The following SLCO1B3 variants were observed in gnomAD, a reference collection of about 807,000 sequenced individuals.
The protein encoded by SLCO1B3 is solute carrier organic anion transporter family member 1B3.
Under a neutral mutation model 71.8 loss-of-function variants are expected in SLCO1B3, and 72 were observed. The ratio of observed to expected loss-of-function variants is 1.00; its 90% CI spans 0.83 to 1.22. The LOEUF (loss-of-function observed/expected upper bound fraction) is 1.22, where lower values mean the gene tolerates loss of function less well. Among genes scored for constraint, SLCO1B3 ranks in the 50% most tolerant of loss-of-function variants. The probability of loss-of-function intolerance (pLI) is 0.00; values close to 1 mark genes in which losing one functional copy is unlikely to be tolerated. For synonymous variants in SLCO1B3, 298 were observed against 278.4 expected (o/e 1.07, Z -0.70); for missense variants, 911 against 819.7 (o/e 1.11, Z -1.36).
intron 8 of SLCO1B3, among the ~76,000 whole-genome samples, chr12:20,868,743 G>T (rs924135175): frequency 2.0e-5 from 3 of 152,052 alleles, no homozygotes; most frequent in African/African-American, 7.2e-5. Flanking sequence ...CGAATGTCTG[G>T]CTGTGCTGTT....
At chr12:20,909,241 C>T (rs1297029407) in intron 15 of SLCO1B3, among the ~76,000 whole-genome samples, 1 of 149,470 alleles carries the variant, frequency 6.7e-6, no homozygotes, top group Admixed American at 6.7e-5. Flanking sequence ...TCTCGGCTCA[C>T]TGCAAGCTAC....
rs1208561874 is a variant in SLCO1B3 at position 20,896,512 on chromosome 12, T to C, written c.1683-1924T>C. Among the ~76,000 whole-genome samples, 14 of 152,322 alleles carry C rather than the reference T, an allele frequency of 9.2e-5. No homozygotes were observed. The East Asian group carries it at 2.5e-3, about 27-fold the overall frequency. ...AAAATATGACAAGCATCATCTTTGC[T>C]CCAGTTTCCAACAAGTTCCTTATCT... On this transcript the variant is annotated intron_variant, in intron 13 of 15. Coordinates refer to ENST00000381545, the MANE Select transcript of SLCO1B3 (RefSeq NM_019844.4).
intron 15 of SLCO1B3, 115 bp downstream of exon 15, chr12:20,901,582 C>T: frequency 1.7e-6 from 1 of 578,310 alleles, no homozygotes; most frequent in Non-Finnish European, 3.1e-6. Flanking sequence ...ATTTAGTGAA[C>T]AATTACTTTG....
intron 13 of SLCO1B3, among the ~76,000 whole-genome samples, chr12:20,892,114 C>T (rs1004016785): frequency 6.6e-6 from 1 of 152,010 alleles, no homozygotes; most frequent in African/African-American, 2.4e-5. Flanking sequence ...GTCCTTTGGA[C>T]CTTTAACAAT....
intron 3 of SLCO1B3, among the ~76,000 whole-genome samples, chr12:20,822,507 G>T (rs567836836): frequency 3.9e-5 from 6 of 152,118 alleles, no homozygotes; most frequent in Non-Finnish European, 8.8e-5. Flanking sequence ...GTTAAGGCGG[G>T]GCAGGGCCTT....
At chr12:20,907,875 T>A (rs994716568) in intron 15 of SLCO1B3, among the ~76,000 whole-genome samples, 1 of 152,156 alleles carries the variant, frequency 6.6e-6, no homozygotes, top group East Asian at 1.9e-4. Flanking sequence ...ATAAATTTAC[T>A]TTAAGAAAAT....
At chr12:20,883,630 A>G (rs1403196086) in intron 13 of SLCO1B3, 28 bp downstream of exon 13, 1 of 1,479,630 alleles carries the variant, frequency 6.8e-7, no homozygotes, top group African/African-American at 1.4e-5. Flanking sequence ...AAACATTGTC[A>G]TGTATATTAG....
At chr12:20,845,458 ACTT>A (rs1212348619) in intron 3 of SLCO1B3, among the ~76,000 whole-genome samples, 1 of 152,142 alleles carries the variant, frequency 6.6e-6, no homozygotes, top group Non-Finnish European at 1.5e-5. Flanking sequence ...ATTTGTCTCA[ACTT>A]CTCCTTGTGT....
chr12:20,847,568 T>G (rs1864943118), intron 3 of SLCO1B3, among the ~76,000 whole-genome samples: 1 of 149,898 alleles, frequency 6.7e-6, no homozygotes, highest in African/African-American at 2.4e-5. Flanking sequence ...CTCAACCCAT[T>G]TAGTCTATAG....
intron 15 of SLCO1B3, among the ~76,000 whole-genome samples, chr12:20,908,070 T>A (rs995062969): frequency 2.0e-5 from 3 of 152,216 alleles, no homozygotes; most frequent in Admixed American, 1.3e-4. Context: ...CTGTACTACT[T>A]CTTTTTCCTT....
At chr12:20,820,693 G>T (rs1864282283) in intron 3 of SLCO1B3, among the ~76,000 whole-genome samples, 1 of 152,156 alleles carries the variant, frequency 6.6e-6, no homozygotes, top group Non-Finnish European at 1.5e-5. Context: ...GTCAGGAGCA[G>T]ATTGGGTAAT....
chr12:20,893,198 A>T (rs1865937235), intron 13 of SLCO1B3, among the ~76,000 whole-genome samples: 1 of 152,148 alleles, frequency 6.6e-6, no homozygotes, highest in Non-Finnish European at 1.5e-5. Context: ...AAAAGTGGGT[A>T]CTGATGAACT....
intron 2 of SLCO1B3, among the ~76,000 whole-genome samples, chr12:20,813,850 C>T (rs1049206096): frequency 1.3e-5 from 2 of 152,156 alleles, no homozygotes; most frequent in African/African-American, 4.8e-5. Flanking sequence ...TTAATATTTG[C>T]AAATTCAGTG....
chr12:20,885,772 C>T (rs1356579784), intron 13 of SLCO1B3, among the ~76,000 whole-genome samples: 1 of 151,878 alleles, frequency 6.6e-6, no homozygotes, highest in East Asian at 1.9e-4. Flanking sequence ...AGTACAATGA[C>T]AGAGCTAGCG....
chr12:20,896,734 G>A (rs989093119), intron 13 of SLCO1B3, among the ~76,000 whole-genome samples: 1 of 152,046 alleles, frequency 6.6e-6, no homozygotes, highest in African/African-American at 2.4e-5. Flanking sequence ...TATCTTTTTA[G>A]CAACGTCCCA....
Position 20,901,478 on chromosome 12 carries a change from G to A in SLCO1B3, c.1865+11G>A, listed in dbSNP as rs376331163. On this transcript the variant is annotated intron_variant, in intron 15 of 15. Coordinates refer to ENST00000381545, the MANE Select transcript of SLCO1B3 (RefSeq NM_019844.4). ...TTCCGTATTTTTTGGGTAAGTTGTCGTAAACACATTTCATTAATAGATTTT... is the reference window on the plus strand; with the variant it reads ...TTCCGTATTTTTTGGGTAAGTTGTCATAAACACATTTCATTAATAGATTTT... 283 of 1,344,256 alleles carry A rather than the reference G, an allele frequency of 2.1e-4. 1 individual carries two copies. Among genetic ancestry groups the A allele is most frequent in the African/African-American group, 3.4e-4 (23 of 68,290 alleles). 83.3% of individuals were successfully genotyped at this position (1,344,256 alleles called of 1,614,324 possible).
chr12:20,913,945 GTTTTAGAGATGGGCAACTCTGT>G, intron 15 of SLCO1B3, among the ~76,000 whole-genome samples: 1 of 152,088 alleles, frequency 6.6e-6, no homozygotes, highest in African/African-American at 2.4e-5. Context: ...TTGTTTGTTT[GTTTTAGAGATGGGCAACTCTGT>G]TGCCCAGTCT....
At chr12:20,854,305 C>CATT (rs138788559) in intron 3 of SLCO1B3, among the ~76,000 whole-genome samples, 32 of 151,130 alleles carry the variant, frequency 2.1e-4, no homozygotes, top group Non-Finnish European at 3.8e-4. Context: ...ATTGAAGTAT[C>CATT]ATTATTATTA....
chr12:20,827,705 G>A (rs1255281628), intron 3 of SLCO1B3, among the ~76,000 whole-genome samples: 1 of 152,074 alleles, frequency 6.6e-6, no homozygotes, highest in African/African-American at 2.4e-5. Flanking sequence ...CCGAGTAGCT[G>A]GGACTGCAGG....
Sources: gnomAD v4.1 joint callset for allele counts (sites outside exome capture counted in the v4.1 genomes callset) on GRCh38, gnomAD v4.1.1 for gene constraint, MANE v1.5 for transcripts, NCBI Gene and HGNC (gene_info 2026-07-23, HGNC 2026-07-21) for gene names.